Variants in TM7SF3 observed in about 807,000 individuals in gnomAD.
TM7SF3 encodes the protein seven span transmembrane protein.
In TM7SF3, 60 loss-of-function variants were observed where a neutral mutation model predicts 65.5. The observed-to-expected ratio is 0.92, with a 90% CI of 0.74 to 1.14. The LOEUF (loss-of-function observed/expected upper bound fraction) is 1.14, where lower values mean the gene tolerates loss of function less well. Ranked by LOEUF, TM7SF3 falls within the 50% of genes most tolerant of loss-of-function variation. The pLI, the probability that TM7SF3 is intolerant of heterozygous loss-of-function variation, is 0.00. For synonymous variants in TM7SF3, 264 were observed against 259.6 expected (o/e 1.02, Z -0.16); for missense variants, 623 against 684.8 (o/e 0.91, Z 1.01).
chr12:27,004,519 T>A (rs910126866), intron 1 of TM7SF3, among the ~76,000 whole-genome samples: 1 of 152,158 alleles, frequency 6.6e-6, no homozygotes, highest in African/African-American at 2.4e-5. Context: ...AGATACTAAA[T>A]AACTTAATAA....
At chr12:26,998,748 C>T (rs138991935) in intron 3 of TM7SF3, among the ~76,000 whole-genome samples, 96 of 152,302 alleles carry the variant, frequency 6.3e-4, no homozygotes, top group Middle Eastern at 3.4e-3. Context: ...CCCCACACTA[C>T]TTCTAGAGTT....
intron 1 of TM7SF3, among the ~76,000 whole-genome samples, chr12:27,009,893 T>C (rs1260905495): frequency 2.6e-5 from 4 of 152,240 alleles, no homozygotes; most frequent in Admixed American, 2.6e-4. Flanking sequence ...GTGAAAATAC[T>C]TTGGCAGTGT....
intron 6 of TM7SF3, among the ~76,000 whole-genome samples, chr12:26,985,648 AAAAAAT>A (rs1940032375): frequency 9.2e-5 from 4 of 43,668 alleles, no homozygotes; most frequent in Admixed American, 5.7e-4. Context: ...AAAAAAAAAA[AAAAAAT>A]ATATATATAT....
intron 1 of TM7SF3, among the ~76,000 whole-genome samples, chr12:27,006,029 A>G (rs12228544): frequency 0.23 from 34,582 of 151,200 alleles, 4,159 homozygotes; most frequent in East Asian, 0.49. Context: ...CGAACTCCTG[A>G]CCTCAAGCGA....
chr12:26,999,807 A>C, intron 2 of TM7SF3, 131 bp from the exon 3 acceptor site: 4 of 879,664 alleles, frequency 4.5e-6, no homozygotes, highest in Non-Finnish European at 5.1e-6. Flanking sequence ...TCCTTAAATA[A>C]CCAGGGAATT....
At chr12:26,985,528 G>A (rs1199786795) in intron 6 of TM7SF3, among the ~76,000 whole-genome samples, 1 of 149,134 alleles carries the variant, frequency 6.7e-6, no homozygotes, top group Non-Finnish European at 1.5e-5. Context: ...TGGAGGCTGA[G>A]GTACGTGAAT....
intron 11 of TM7SF3, among the ~76,000 whole-genome samples, chr12:26,974,526 T>G (rs557738641): frequency 6.6e-6 from 1 of 152,274 alleles, no homozygotes; most frequent in African/African-American, 2.4e-5. Context: ...CCCACAGTTG[T>G]TTGTGTGTTT....
intron 2 of TM7SF3, 135 bp downstream of exon 2, chr12:27,003,101 C>T: frequency 1.5e-6 from 1 of 680,296 alleles, no homozygotes; most frequent in Admixed American, 3.2e-5. Flanking sequence ...AACATCCTAT[C>T]TTGATTTTTT....
At chr12:26,989,567 A>C (rs749238864) in intron 6 of TM7SF3, among the ~76,000 whole-genome samples, 16 of 152,184 alleles carry the variant, frequency 1.1e-4, no homozygotes, top group Non-Finnish European at 2.1e-4. Context: ...CAAATAGCCT[A>C]ATACATTAAG....
Position 27,014,118 on chromosome 12 carries a change from C to A in TM7SF3, c.51G>T (p.Arg17=). ...LVVAVLASEH[R]VAGAAEVFGN... is the part of the protein sequence containing the mutation. Reference sequence around the variant, plus strand: ...CGAAGACCTCGGCTGCACCAGCCACCCGGTGTTCGGATGCCAGCACCGCTA... The same window carrying A: ...CGAAGACCTCGGCTGCACCAGCCACACGGTGTTCGGATGCCAGCACCGCTA... The change falls in exon 1 of 12, where the codon CGG becomes CGT. Residue 17 remains arginine (R), a synonymous_variant. Coordinates refer to ENST00000343028, the MANE Select transcript of TM7SF3 (RefSeq NM_016551.3). 1 of 1,572,756 alleles carries A rather than the reference C, an allele frequency of 6.4e-7. No homozygotes were observed. Among genetic ancestry groups the A allele is most frequent in the Non-Finnish European group, 8.6e-7 (1 of 1,159,046 alleles).
chr12:26,972,633 CTATAG>C lies in TM7SF3; in HGVS notation c.*1327_*1331del, dbSNP rs761535547. On this transcript the variant is annotated 3_prime_UTR_variant, in exon 12 of 12. Coordinates refer to ENST00000343028, the MANE Select transcript of TM7SF3 (RefSeq NM_016551.3). ...GTGTAGTAGTATATATTCTACTATA[CTATAG>C]TAGAGACCACTATGTTGGCCAGGCT... 25 of 152,064 alleles carry C rather than the reference CTATAG, an allele frequency of 1.6e-4. No individual in the cohort carries two copies. Among genetic ancestry groups the C allele is most frequent in the African/African-American group, 5.5e-4 (23 of 41,464 alleles). The allele number at this position is 152,064 out of a possible 1,614,324, so 9.4% of individuals were successfully genotyped here.
Position 26,979,898 on chromosome 12 carries a change from C to T in TM7SF3, c.1075G>A (p.Gly359Arg). ...CACCACACAGCTACCAAGAACATTC[C>T]ACCGACGCTTCCAGTGACAGCTGTC... ...ILTAVTGSVG[G>R]MFLVAVWWRF... is the part of the protein sequence containing the mutation. Residue 359 changes from glycine to arginine, a missense_variant, in exon 9 of 12, where the codon GGA (glycine) becomes AGA (arginine). Coordinates refer to ENST00000343028, the MANE Select transcript of TM7SF3 (RefSeq NM_016551.3). The T allele has an allele frequency of 6.2e-7, 1 of 1,614,154 alleles. No individual in the cohort carries two copies. The highest frequency in any genetic ancestry group is 8.5e-7 in the Non-Finnish European group (1 of 1,180,004).
chr12:27,004,919 G>C (rs2136446565), intron 1 of TM7SF3, among the ~76,000 whole-genome samples: 1 of 152,264 alleles, frequency 6.6e-6, no homozygotes, highest in South Asian at 2.1e-4. Context: ...ACTCCAGCTG[G>C]AACAGAGGTT....
chr12:26,982,426 C>T (rs528417284), intron 7 of TM7SF3, among the ~76,000 whole-genome samples: 5 of 152,292 alleles, frequency 3.3e-5, no homozygotes, highest in Admixed American at 3.3e-4. Context: ...GTCCTCTCAC[C>T]TCAGCTTCCC....
At position 26,974,137 on chromosome 12, in the gene TM7SF3, G is replaced by T. The variant is rs773625666; in HGVS notation, c.1541C>A (p.Pro514His). ...TTGCTTCCATAACTTGTATGGGTGG[G>T]GAGGGAAGAACGGTCGTCCTCTCTC... ...RRERGRPFFP[P>H]HPYKLWKQER... Residue 514 changes from proline to histidine, a missense_variant, in exon 12 of 12, where the codon CCC becomes CAC. Coordinates refer to ENST00000343028, the MANE Select transcript of TM7SF3 (RefSeq NM_016551.3). The T allele has an allele frequency of 1.7e-5, 27 of 1,614,056 alleles. No individual in the cohort carries two copies. Among genetic ancestry groups the T allele is most frequent in the Admixed American group, 5.0e-5 (3 of 60,006 alleles).
Position 26,971,989 on chromosome 12 carries a change from A to ATTC in TM7SF3, c.*1975_*1976insGAA, listed in dbSNP as rs1282350447. ...CTTCAAAAATCTATTGTACTTTGAA[A>ATTC]AAACTTTAAAAAGCAGCATCATTTA... On this transcript the variant is annotated 3_prime_UTR_variant, in exon 12 of 12. Transcript: ENST00000343028. 1.3e-5 allele frequency: 2 copies of ATTC among 152,252 alleles called. No individual in the cohort carries two copies. 9.4% of individuals were successfully genotyped at this position (152,252 alleles called of 1,614,324 possible). A position where few individuals can be genotyped will look rare whatever the true frequency, so the allele number is the denominator to read the frequency against.
intron 8 of TM7SF3, 83 bp downstream of exon 8, chr12:26,980,483 G>T: frequency 1.3e-6 from 1 of 770,168 alleles, no homozygotes; most frequent in Non-Finnish European, 2.3e-6. Context: ...CACAATATAG[G>T]CCAAACTGTA....
intron 5 of TM7SF3, among the ~76,000 whole-genome samples, chr12:26,993,010 A>T (rs886949902): frequency 1.3e-5 from 2 of 148,378 alleles, no homozygotes; most frequent in Non-Finnish European, 3.0e-5. Context: ...GGCTCAAGCG[A>T]TCCTCCCACC....
At chr12:27,004,051 G>T (rs1001773597) in intron 1 of TM7SF3, among the ~76,000 whole-genome samples, 8 of 152,150 alleles carry the variant, frequency 5.3e-5, no homozygotes, top group Admixed American at 6.6e-5. Context: ...GGATCAAACT[G>T]AGTCCATAAA....
Sources: allele counts gnomAD v4.1 joint callset (sites outside exome capture counted in the v4.1 genomes callset), GRCh38; gene constraint gnomAD v4.1.1; transcripts MANE v1.5; gene names NCBI Gene and HGNC (gene_info 2026-07-23, HGNC 2026-07-21).